The following NRCAM variants were observed in gnomAD, a reference collection of about 807,000 sequenced individuals.
NRCAM encodes the protein NgCAM-related cell adhesion molecule.
In NRCAM, 83 loss-of-function variants were observed where a neutral mutation model predicts 156.5. The ratio of observed to expected loss-of-function variants is 0.53; its 90% confidence interval spans 0.44 to 0.64. The LOEUF is 0.64. Among genes scored for constraint, NRCAM ranks in the 30% least tolerant of loss-of-function variants. The pLI is 0.00. For missense variants in NRCAM, 1,417 were observed against 1,597.3 expected (o/e 0.89, Z 1.92); for synonymous variants, 538 against 563.9 (o/e 0.95, Z 0.65).
chr7:108,264,242 C>T (rs2096998622), intron 3 of NRCAM, among the ~76,000 whole-genome samples: 2 of 152,236 alleles, frequency 1.3e-5, no homozygotes, highest in African/African-American at 4.8e-5. Flanking sequence ...TCCCAAAGCA[C>T]TGGGACTATA....
At chr7:108,157,763 G>A (rs1352649359) in intron 32 of NRCAM, among the ~76,000 whole-genome samples, 1 of 152,128 alleles carries the variant, frequency 6.6e-6, no homozygotes, top group East Asian at 1.9e-4. Context: ...GTAAGAGCAA[G>A]CTGATGTTTG....
chr7:108,150,051 A>G lies in NRCAM; in HGVS notation c.3774T>C (p.Tyr1258=), dbSNP rs2040340255. The G allele has an allele frequency of 1.2e-6, 2 of 1,614,072 alleles. No homozygotes were observed. Among genetic ancestry groups the G allele is most frequent in the South Asian group, 1.1e-5 (1 of 91,078 alleles). Reference sequence around the variant, plus strand: ...TGAACTGGCCATTAACCCCTTCTCCATAGTCAACTAGGCTGTCGTCACTAT... The same window carrying G: ...TGAACTGGCCATTAACCCCTTCTCCGTAGTCAACTAGGCTGTCGTCACTAT... The part of the protein sequence containing the change: ...KEDSDDSLVD[Y]GEGVNGQFNE... The change falls in exon 33 of 33, where the codon TAT becomes TAC. Residue 1258 remains tyrosine, a synonymous_variant. Transcript: ENST00000379028.
intron 30 of NRCAM, among the ~76,000 whole-genome samples, chr7:108,164,575 G>A (rs578241213): frequency 1.4e-4 from 21 of 151,456 alleles, no homozygotes; most frequent in Admixed American, 1.1e-3. Flanking sequence ...GAGGAGAGGA[G>A]GAGCAGGAGC....
intron 3 of NRCAM, among the ~76,000 whole-genome samples, chr7:108,254,317 T>G (rs1264938981): frequency 2.0e-5 from 3 of 152,148 alleles, no homozygotes; most frequent in African/African-American, 7.2e-5. Flanking sequence ...TAGAGATTTC[T>G]CCAAAGAAGA....
At chr7:108,365,011 G>A (rs920333539) in intron 2 of NRCAM, among the ~76,000 whole-genome samples, 1 of 152,094 alleles carries the variant, frequency 6.6e-6, no homozygotes, top group Non-Finnish European at 1.5e-5. Flanking sequence ...ATAATATAGT[G>A]CCAAAGACAG....
At chr7:108,192,254 G>A (rs1214441369) in intron 17 of NRCAM, among the ~76,000 whole-genome samples, 2 of 152,088 alleles carry the variant, frequency 1.3e-5, no homozygotes, top group Non-Finnish European at 2.9e-5. Context: ...TGTCAGATTA[G>A]TGGCAGCATT....
intron 13 of NRCAM, among the ~76,000 whole-genome samples, chr7:108,204,042 T>C (rs748288020): frequency 6.6e-6 from 1 of 152,130 alleles, no homozygotes; most frequent in Non-Finnish European, 1.5e-5. Context: ...CCGTGCTAGA[T>C]GTGGGGTGCA....
intron 1 of NRCAM, among the ~76,000 whole-genome samples, chr7:108,416,324 T>A (rs1801537904): frequency 6.6e-6 from 1 of 152,210 alleles, no homozygotes; most frequent in African/African-American, 2.4e-5. Flanking sequence ...ATTACAGATG[T>A]TTTGAGACAT....
At chr7:108,214,432 T>A (rs2086656147) in intron 11 of NRCAM, among the ~76,000 whole-genome samples, 1 of 152,206 alleles carries the variant, frequency 6.6e-6, no homozygotes, top group Admixed American at 6.5e-5. Context: ...TAGTTTGTAT[T>A]TCTGTGGGAT....
chr7:108,439,533 TC>T (rs1836090963), intron 1 of NRCAM, among the ~76,000 whole-genome samples: 2 of 152,104 alleles, frequency 1.3e-5, no homozygotes, highest in Admixed American at 1.3e-4. Flanking sequence ...GAAATACCAC[TC>T]CATGGTCACT....
At chr7:108,217,891 G>A (rs143186031) in intron 11 of NRCAM, among the ~76,000 whole-genome samples, 6,132 of 152,118 alleles carry the variant, frequency 0.04, 382 homozygotes, top group African/African-American at 0.14. Flanking sequence ...AGATCACTTG[G>A]CTCCCTGGCT....
At chr7:108,454,326 C>A (rs1029602367) in intron 1 of NRCAM, among the ~76,000 whole-genome samples, 14 of 152,170 alleles carry the variant, frequency 9.2e-5, no homozygotes, top group Non-Finnish European at 1.5e-4. Flanking sequence ...AACTGATAAG[C>A]CTCCAAAAGG....
intron 2 of NRCAM, chr7:108,328,775 C>G (rs1159751190): frequency 6.6e-6 from 1 of 152,216 alleles, no homozygotes; most frequent in Non-Finnish European, 1.5e-5. Context: ...AAGAAAGTAA[C>G]TGCCATATTT....
chr7:108,438,600 T>C (rs539950040), intron 1 of NRCAM, among the ~76,000 whole-genome samples: 1 of 152,274 alleles, frequency 6.6e-6, no homozygotes, highest in South Asian at 2.1e-4. Flanking sequence ...AACGTAAGGA[T>C]GTCCACTCTT....
At position 108,235,392 on chromosome 7, in the gene NRCAM, C is replaced by T. The variant is rs144202803; in HGVS notation, c.125-704G>A. The stretch of plus-strand genomic sequence containing the variant: ...CCAGAACAATCTAATCTGAAGAAAC[C>T]TGTATCTGGACCACTAATGCTCTTC... On this transcript the variant is annotated intron_variant, in intron 5 of 32. Transcript: ENST00000379028. 2.0e-5 allele frequency among the ~76,000 whole-genome samples: 3 copies of T among 152,292 alleles called. No individual in the cohort carries two copies. The East Asian group carries it at 5.8e-4, about 29-fold the overall frequency.
At chr7:108,404,256 T>TTCC (rs2099801248) in intron 1 of NRCAM, among the ~76,000 whole-genome samples, 3 of 151,682 alleles carry the variant, frequency 2.0e-5, no homozygotes, top group Non-Finnish European at 4.4e-5. Context: ...GCTTGCTTCC[T>TTCC]TCTCAGTTGT....
intron 2 of NRCAM, among the ~76,000 whole-genome samples, chr7:108,331,175 G>A (rs865957672): frequency 2.6e-5 from 4 of 152,144 alleles, no homozygotes; most frequent in African/African-American, 4.8e-5. Context: ...GAGGCAGAAA[G>A]ATTGCTTGAG....
chr7:108,312,639 A>T (rs762189978), intron 3 of NRCAM, 26 bp downstream of exon 3: 9 of 152,334 alleles, frequency 5.9e-5, no homozygotes, highest in Non-Finnish European at 7.3e-5. Flanking sequence ...TACGAATTCA[A>T]ATGTTTTGAG....
chr7:108,425,847 C>T (rs1244172033), intron 1 of NRCAM, among the ~76,000 whole-genome samples: 1 of 152,192 alleles, frequency 6.6e-6, no homozygotes, highest in African/African-American at 2.4e-5. Flanking sequence ...ATGGTTCACA[C>T]ATCAGACAGA....
Sources: gnomAD v4.1 joint callset for allele counts (sites outside exome capture counted in the v4.1 genomes callset) on GRCh38, gnomAD v4.1.1 for gene constraint, MANE v1.5 for transcripts, NCBI Gene and HGNC (gene_info 2026-07-23, HGNC 2026-07-21) for gene names.